The following RIMKLB variants were observed in gnomAD, a reference collection of about 807,000 sequenced individuals.
The protein encoded by RIMKLB is beta-citrylglutamate synthase B.
In RIMKLB, 7 loss-of-function variants were observed where a neutral mutation model predicts 32.0. The ratio of observed to expected loss-of-function variants is 0.22; its 90% confidence interval spans 0.12 to 0.41. The LOEUF (loss-of-function observed/expected upper bound fraction) is 0.41. Ranked by LOEUF, RIMKLB falls within the 10% of genes least tolerant of loss-of-function variation. The probability of loss-of-function intolerance (pLI) is 1.00; values close to 1 mark genes in which losing one functional copy is unlikely to be tolerated. For missense variants in RIMKLB, 289 were observed against 498.7 expected (o/e 0.58, Z 4.00); for synonymous variants, 172 against 185.1 (o/e 0.93, Z 0.57).
intron 2 of RIMKLB, among the ~76,000 whole-genome samples, chr12:8,737,651 T>C (rs751308989): frequency 6.6e-6 from 1 of 152,208 alleles, no homozygotes; most frequent in South Asian, 2.1e-4. Context: ...TTTCCCCCCC[T>C]CATCTCTATT....
intron 2 of RIMKLB, among the ~76,000 whole-genome samples, chr12:8,721,769 A>C (rs1281567130): frequency 2.6e-5 from 4 of 151,572 alleles, no homozygotes; most frequent in African/African-American, 4.9e-5. Flanking sequence ...TTTGAGATGG[A>C]GTCTGACTCT....
downstream of RIMKLB, chr12:8,777,215 C>CTTTTTCTTTTT (rs1950778315): frequency 1.6e-6 from 1 of 644,908 alleles, no homozygotes; most frequent in Non-Finnish European, 1.8e-6. Context: ...TGCTTGCTTT[C>CTTTTTCTTTTT]TTTTTTTTTT....
the RIMKLB span, among the ~76,000 whole-genome samples, chr12:8,674,115 C>G: frequency 6.6e-6 from 1 of 151,956 alleles, no homozygotes; most frequent in Non-Finnish European, 1.5e-5. Flanking sequence ...TCCACAGCAT[C>G]TCTGAAGTTA....
intron 2 of RIMKLB, 58 bp downstream of exon 2, chr12:8,714,099 A>G: frequency 7.0e-7 from 1 of 1,427,646 alleles, no homozygotes; most frequent in East Asian, 2.3e-5. Flanking sequence ...ATGAATCTGC[A>G]TGTTTTAGGA....
intron 5 of RIMKLB, among the ~76,000 whole-genome samples, chr12:8,758,151 C>CT (rs1010795864): frequency 7.3e-5 from 11 of 151,716 alleles, no homozygotes; most frequent in African/African-American, 2.7e-4. Context: ...CATCTGTTTG[C>CT]TTTTTTTTAG....
rs769860410 is a variant in RIMKLB at position 8,710,943 on chromosome 12, C to A, written c.-56-2868C>A. Among the ~76,000 whole-genome samples the A allele has an allele frequency of 4.8e-5, 6 of 125,330 alleles. No individual in the cohort carries two copies. The South Asian group carries it at 1.2e-3, about 26-fold the overall frequency. The allele number at this position is 125,330 out of a possible 152,430, so 82.2% of individuals were successfully genotyped here. A position where few individuals can be genotyped will look rare whatever the true frequency, so the allele number is the denominator to read the frequency against. ...AGGAGTTTGAGATCAGTCTGGGCAA[C>A]GTAGTGAGACCACATCTTTACCAAA... On this transcript the variant is annotated intron_variant, in intron 1 of 5. Coordinates refer to ENST00000535829, the MANE Select transcript of RIMKLB (RefSeq NM_001297776.2).
At chr12:8,705,001 A>ACACACACACACACACACACACAC (rs1214259948) in intron 1 of RIMKLB, among the ~76,000 whole-genome samples, 1 of 140,510 alleles carries the variant, frequency 7.1e-6, no homozygotes, top group African/African-American at 2.9e-5. Flanking sequence ...CACACACACA[A>ACACACACACACACACACACACAC]AACCCCAAAC....
downstream of RIMKLB, chr12:8,779,514 C>CG (rs1950914530): frequency 6.6e-6 from 1 of 152,138 alleles, no homozygotes; most frequent in Non-Finnish European, 1.5e-5. Flanking sequence ...GGTTTGAGAT[C>CG]GGGGGAAGGA....
intron 1 of RIMKLB, 182 bp from the exon 2 acceptor site, chr12:8,713,629 G>C: frequency 2.1e-6 from 1 of 469,774 alleles, no homozygotes; most frequent in Non-Finnish European, 3.9e-6. Context: ...TGAAGAGGTG[G>C]TCAGTTTCCA....
At chr12:8,672,809 C>T in the RIMKLB span, among the ~76,000 whole-genome samples, 1 of 152,148 alleles carries the variant, frequency 6.6e-6, no homozygotes, top group Non-Finnish European at 1.5e-5. Flanking sequence ...CTTGCTTTGC[C>T]TTCCGTCATG....
chr12:8,734,696 G>T (rs913518228), intron 2 of RIMKLB, among the ~76,000 whole-genome samples: 1 of 152,108 alleles, frequency 6.6e-6, no homozygotes, highest in South Asian at 2.1e-4. Context: ...GTATTGTGTA[G>T]CTTCTCAAAG....
At chr12:8,687,942 A>G (rs1292993589) in intron 1 of RIMKLB, among the ~76,000 whole-genome samples, 2 of 152,146 alleles carry the variant, frequency 1.3e-5, no homozygotes, top group South Asian at 2.1e-4. Flanking sequence ...GAACTGCAGG[A>G]AAAGGAGGGG....
chr12:8,739,153 T>G (rs886579685), intron 2 of RIMKLB, among the ~76,000 whole-genome samples: 1 of 152,028 alleles, frequency 6.6e-6, no homozygotes, highest in African/African-American at 2.4e-5. Context: ...ACAACAGAAA[T>G]TGTTTCTGTT....
At chr12:8,766,844 C>CT (rs1237880326) in intron 5 of RIMKLB, among the ~76,000 whole-genome samples, 1 of 152,234 alleles carries the variant, frequency 6.6e-6, no homozygotes. Flanking sequence ...TAGCCCCATA[C>CT]TTTAAGATTT....
At chr12:8,700,846 A>G (rs965069690) in intron 1 of RIMKLB, among the ~76,000 whole-genome samples, 6 of 152,256 alleles carry the variant, frequency 3.9e-5, no homozygotes, top group African/African-American at 1.2e-4. Context: ...CAAGCTGATC[A>G]CTTGAGGTCA....
chr12:8,697,368 C>G (rs1201930806), upstream of RIMKLB: 1 of 152,548 alleles, frequency 6.6e-6, no homozygotes, highest in Non-Finnish European at 1.5e-5. Flanking sequence ...CTTTGCCTAC[C>G]GGAGGGAGGA....
chr12:8,753,672 A>G (rs1336056471), intron 4 of RIMKLB, among the ~76,000 whole-genome samples: 2 of 152,198 alleles, frequency 1.3e-5, no homozygotes, highest in Admixed American at 1.3e-4. Flanking sequence ...TTAGTTTGTC[A>G]TGAAAGAGTT....
At chr12:8,681,450 T>C (rs1404358323), upstream of RIMKLB, 1 of 152,226 alleles carries the variant, frequency 6.6e-6, no homozygotes, top group Non-Finnish European at 1.5e-5. Flanking sequence ...TCTTTTGTTA[T>C]TCACAACAAG....
intron 5 of RIMKLB, among the ~76,000 whole-genome samples, chr12:8,760,410 A>G (rs959711032): frequency 1.3e-5 from 2 of 152,164 alleles, no homozygotes; most frequent in South Asian, 4.1e-4. Context: ...ACATACGTGT[A>G]CATGTGTCTT....
Sources: allele counts gnomAD v4.1 joint callset (sites outside exome capture counted in the v4.1 genomes callset), GRCh38; gene constraint gnomAD v4.1.1; transcripts MANE v1.5; gene names NCBI Gene and HGNC (gene_info 2026-07-23, HGNC 2026-07-21).